ASCC3: variants seen among roughly 807,000 people sequenced by gnomAD.
The protein encoded by ASCC3 is ASC-1 complex subunit P200.
In ASCC3, 158 loss-of-function variants were observed where a neutral mutation model predicts 256.3. That is an observed-to-expected ratio of 0.62 (90% CI 0.54 to 0.70). The LOEUF (loss-of-function observed/expected upper bound fraction) is 0.70. ASCC3 is among the 30% of genes least tolerant of loss of function. The pLI, the probability that ASCC3 is intolerant of heterozygous loss-of-function variation, is 0.00. For missense variants in ASCC3, 2,259 were observed against 2,626.0 expected (o/e 0.86, Z 3.05); for synonymous variants, 948 against 883.4 (o/e 1.07, Z -1.30).
In ASCC3 at chr6:100,868,006, C is replaced by T. The variant is rs753763501; in HGVS notation, c.-9G>A. ...AGACGAGGTAAAGCCATCTATTATT[C>T]AATCAGTGATCCATACAGCAAGAAA... On this transcript the variant is annotated 5_prime_UTR_variant, in exon 2 of 42. Coordinates refer to ENST00000369162, the MANE Select transcript of ASCC3 (RefSeq NM_006828.4). 6.2e-7 allele frequency: 1 copy of T among 1,601,928 alleles called. No homozygotes were observed.
chr6:100,548,027 AAAG>A (rs1562110398), intron 36 of ASCC3, among the ~76,000 whole-genome samples: 1 of 151,676 alleles, frequency 6.6e-6, no homozygotes, highest in Non-Finnish European at 1.5e-5. Context: ...ATGTTGAGTC[AAAG>A]AAGCCAGACC....
At chr6:100,606,200 TG>T (rs1170487439) in intron 32 of ASCC3, among the ~76,000 whole-genome samples, 52 of 152,116 alleles carry the variant, frequency 3.4e-4, no homozygotes, top group Non-Finnish European at 5.4e-4. Flanking sequence ...GATTTAGAAA[TG>T]ATACAGCTTT....
intron 1 of ASCC3, among the ~76,000 whole-genome samples, chr6:100,874,696 A>G (rs930284330): frequency 7.9e-5 from 12 of 152,158 alleles, no homozygotes; most frequent in Admixed American, 2.0e-4. Context: ...CTTGCCCTCA[A>G]TGATGAGCTT....
At chr6:100,874,811 A>G (rs1250301119) in intron 1 of ASCC3, among the ~76,000 whole-genome samples, 1 of 152,162 alleles carries the variant, frequency 6.6e-6, no homozygotes, top group Non-Finnish European at 1.5e-5. Context: ...CACTAGATAT[A>G]AAGAAGGAAG....
intron 10 of ASCC3, among the ~76,000 whole-genome samples, chr6:100,725,962 CAT>C (rs67063343): frequency 0.078 from 11,496 of 147,340 alleles, 1,020 homozygotes; most frequent in East Asian, 0.31. Context: ...ACAAAATACA[CAT>C]GTTTTTTTAA....
chr6:100,774,533 T>C (rs1193426075), intron 8 of ASCC3, among the ~76,000 whole-genome samples: 1 of 150,606 alleles, frequency 6.6e-6, no homozygotes, highest in Non-Finnish European at 1.5e-5. Flanking sequence ...GCCTGGCTAA[T>C]TTTTTGTATT....
intron 25 of ASCC3, among the ~76,000 whole-genome samples, chr6:100,637,387 C>T (rs1774894064): frequency 6.6e-6 from 1 of 152,140 alleles, no homozygotes; most frequent in Admixed American, 6.5e-5. Flanking sequence ...AAATGTGACG[C>T]TCATTGACAA....
chr6:100,698,461 G>T (rs574406162), intron 13 of ASCC3, among the ~76,000 whole-genome samples: 17 of 151,212 alleles, frequency 1.1e-4, no homozygotes, highest in Non-Finnish European at 2.2e-4. Context: ...TTTTTAAAAG[G>T]GCTCCAAATT....
At chr6:100,738,700 C>T (rs1015211374) in intron 10 of ASCC3, among the ~76,000 whole-genome samples, 6 of 152,176 alleles carry the variant, frequency 3.9e-5, no homozygotes, top group Admixed American at 1.3e-4. Flanking sequence ...GCTATTTGGA[C>T]TTCTTTTTTG....
At chr6:100,683,117 CA>C (rs1777387486) in intron 13 of ASCC3, among the ~76,000 whole-genome samples, 1 of 151,994 alleles carries the variant, frequency 6.6e-6, no homozygotes, top group Admixed American at 6.6e-5. Context: ...GAGAACCCCC[CA>C]ATAATATCTT....
intron 4 of ASCC3, among the ~76,000 whole-genome samples, chr6:100,827,792 A>T (rs75580523): frequency 1.3e-5 from 2 of 152,008 alleles, no homozygotes; most frequent in Non-Finnish European, 2.9e-5. Context: ...ATCACAGAAA[A>T]TTTTTTATTT....
At chr6:100,582,797 G>C (rs1771376889) in intron 36 of ASCC3, among the ~76,000 whole-genome samples, 1 of 152,054 alleles carries the variant, frequency 6.6e-6, no homozygotes, top group African/African-American at 2.4e-5. Flanking sequence ...TTAGCATGAA[G>C]GGTTGTTGAA....
In ASCC3 at chr6:100,628,112, AG is replaced by A. The variant is rs201233921; in HGVS notation, c.4376-126del. The A allele has an allele frequency of 2.4e-4, 243 of 1,025,434 alleles. 4 individuals carry two copies. In the African/African-American group the frequency reaches 2.8e-3, roughly 12 times the overall value. The allele number at this position is 1,025,434 out of a possible 1,614,324, so 63.5% of individuals were successfully genotyped here. A position where few individuals can be genotyped will look rare whatever the true frequency, so the allele number is the denominator to read the frequency against. The stretch of plus-strand genomic sequence containing the variant: ...AAAACAAAAAAAAAAACAAAAAAAA[AG>A]CTAAAGCTAGAACTACCAAAGGATT... On this transcript the variant is annotated intron_variant, in intron 27 of 41. Transcript: ENST00000369162.
rs1195087552 is a variant in ASCC3 at position 100,589,989 on chromosome 6, G to C, written c.5374C>G (p.Leu1792Val). Residue 1792 changes from leucine to valine, a missense_variant, in exon 35 of 42, where the codon CTG becomes GTG. Physicochemically the swap from Leu to Val is conservative, Grantham distance 32. This residue lies in a region of ASCC3 where 1,839 missense variants were observed against 2,206.7 expected (regional missense o/e 0.83). Transcript: ENST00000369162. ...KFLSHLIEKS[L>V]IELELSYCIE... Reference sequence around the variant, plus strand: ...CAGTAGGAAAGTTCCAATTCAATCAGGGACTTCTCAATCAGATGGGACAGA... The same window carrying C: ...CAGTAGGAAAGTTCCAATTCAATCACGGACTTCTCAATCAGATGGGACAGA... 6.2e-7 allele frequency: 1 copy of C among 1,613,486 alleles called. No individual in the cohort carries two copies. Among genetic ancestry groups the C allele is most frequent in the Non-Finnish European group, 8.5e-7 (1 of 1,179,706 alleles).
At chr6:100,740,094 C>T (rs1161810030) in intron 10 of ASCC3, among the ~76,000 whole-genome samples, 2 of 152,160 alleles carry the variant, frequency 1.3e-5, no homozygotes, top group Non-Finnish European at 2.9e-5. Context: ...CCTCTTAATA[C>T]TGCTTTCACT....
At chr6:100,686,602 T>C (rs1777578499) in intron 13 of ASCC3, among the ~76,000 whole-genome samples, 1 of 152,144 alleles carries the variant, frequency 6.6e-6, no homozygotes, top group Non-Finnish European at 1.5e-5. Flanking sequence ...CACCAAAACT[T>C]ATTTATAATA....
At chr6:100,859,589 G>T (rs964109127) in intron 3 of ASCC3, among the ~76,000 whole-genome samples, 1 of 151,824 alleles carries the variant, frequency 6.6e-6, no homozygotes, top group Non-Finnish European at 1.5e-5. Flanking sequence ...TTCCACCCTA[G>T]ATTTTGATTC....
chr6:100,751,082 T>C (rs1780916424), intron 10 of ASCC3, among the ~76,000 whole-genome samples: 1 of 152,042 alleles, frequency 6.6e-6, no homozygotes, highest in Non-Finnish European at 1.5e-5. Context: ...ATAATCCAGA[T>C]AAATTGAATA....
At chr6:100,739,619 C>G (rs1780333863) in intron 10 of ASCC3, among the ~76,000 whole-genome samples, 1 of 152,100 alleles carries the variant, frequency 6.6e-6, no homozygotes, top group African/African-American at 2.4e-5. Flanking sequence ...TCAGAACTCA[C>G]TATTGGTCTA....
Sources: gnomAD v4.1 joint callset for allele counts (sites outside exome capture counted in the v4.1 genomes callset) on GRCh38, gnomAD v4.1.1 for gene constraint, gnomAD v4.1.1 regional missense constraint, MANE v1.5 for transcripts, NCBI Gene and HGNC (gene_info 2026-07-23, HGNC 2026-07-21) for gene names.